DOCK2: variants seen among roughly 807,000 people sequenced by gnomAD.
DOCK2 encodes the protein dedicator of cytokinesis 2.
DOCK2 carries 87 observed loss-of-function variants against 248.9 expected under a neutral mutation model. That is an observed-to-expected ratio of 0.35 (90% confidence interval 0.29 to 0.42). The LOEUF (loss-of-function observed/expected upper bound fraction) is 0.42. Ranked by LOEUF, DOCK2 falls within the 10% of genes least tolerant of loss-of-function variation. The probability of loss-of-function intolerance (pLI) is 1.00; values close to 1 mark genes in which losing one functional copy is unlikely to be tolerated. For synonymous variants in DOCK2, 805 were observed against 821.6 expected, an observed-to-expected ratio of 0.98 and a Z score of 0.35; for missense variants, 1,747 against 2,300.2, an observed-to-expected ratio of 0.76 and a Z score of 4.92.
chr5:169,650,248 A>C (rs1040827968), intron 1 of DOCK2, among the ~76,000 whole-genome samples: 1 of 152,220 alleles, frequency 6.6e-6, no homozygotes, highest in Non-Finnish European at 1.5e-5. Flanking sequence ...TGTTGAAAAC[A>C]CCATGGAGTA....
intron 22 of DOCK2, among the ~76,000 whole-genome samples, chr5:169,739,953 G>C (rs1296758305): frequency 3.9e-5 from 6 of 152,236 alleles, no homozygotes; most frequent in Non-Finnish European, 1.5e-5. Flanking sequence ...CTATCCTTAG[G>C]AATATTGTTT....
chr5:169,975,808 G>C (rs1467045728), intron 27 of DOCK2, among the ~76,000 whole-genome samples: 1 of 152,194 alleles, frequency 6.6e-6, no homozygotes, highest in Non-Finnish European at 1.5e-5. Flanking sequence ...TCCCAACGGG[G>C]ATGTGAGCTT....
In DOCK2 at chr5:170,042,152, C is replaced by A; in HGVS notation, c.3876+20C>A. On this transcript the variant is annotated intron_variant, in intron 38 of 51. Transcript: ENST00000520908. ...GGAAAGGTAATCTGTCCCTGCCCAC[C>A]CCCCGTGGGGACCCTGGCCACTGGA... is the stretch of plus-strand genomic sequence containing the variant. The A allele has an allele frequency of 1.3e-6, 2 of 1,595,432 alleles. No individual in the cohort carries two copies. Among genetic ancestry groups the A allele is most frequent in the South Asian group, 1.1e-5 (1 of 88,622 alleles).
chr5:169,768,685 A>G (rs1764921335), intron 25 of DOCK2, among the ~76,000 whole-genome samples: 1 of 152,140 alleles, frequency 6.6e-6, no homozygotes, highest in Non-Finnish European at 1.5e-5. Context: ...CAAGACTTGG[A>G]ATGTTGACAT....
chr5:169,702,848 G>A (rs1761062274), intron 14 of DOCK2, among the ~76,000 whole-genome samples: 1 of 152,014 alleles, frequency 6.6e-6, no homozygotes, highest in South Asian at 2.1e-4. Context: ...TGGTGTGGAG[G>A]CTCAGGATGT....
chr5:169,914,511 A>G (rs1445423182), intron 27 of DOCK2, among the ~76,000 whole-genome samples: 1 of 152,250 alleles, frequency 6.6e-6, no homozygotes, highest in Non-Finnish European at 1.5e-5. Context: ...ACTTGGATTC[A>G]AAAGACCAAG....
intron 25 of DOCK2, among the ~76,000 whole-genome samples, chr5:169,791,602 A>G (rs1766340371): frequency 6.6e-6 from 1 of 152,224 alleles, no homozygotes; most frequent in Admixed American, 6.5e-5. Context: ...GAATCTAGAA[A>G]TTGGTAATAA....
intron 26 of DOCK2, among the ~76,000 whole-genome samples, chr5:169,840,289 C>T (rs1769868613): frequency 6.6e-6 from 1 of 152,182 alleles, no homozygotes; most frequent in Non-Finnish European, 1.5e-5. Flanking sequence ...ATCGTGATGA[C>T]AGCACCAAGG....
chr5:169,984,718 G>C (rs1430041447), intron 28 of DOCK2, among the ~76,000 whole-genome samples: 1 of 152,002 alleles, frequency 6.6e-6, no homozygotes. Flanking sequence ...TTATATATTG[G>C]GCTCCAGGTA....
intron 41 of DOCK2, among the ~76,000 whole-genome samples, chr5:170,051,224 G>A (rs1224818573): frequency 1.3e-5 from 2 of 152,126 alleles, no homozygotes; most frequent in Admixed American, 6.5e-5. Context: ...CTGAAATGAC[G>A]CCATATTGCC....
chr5:170,055,322 G>A lies in DOCK2; in HGVS notation c.4231G>A (p.Val1411Ile). The change falls in exon 42 of 52, where the codon GTC (valine) becomes ATC (isoleucine). Residue 1411 changes from valine (V) to isoleucine (I), a missense_variant. Val to Ile is a conservative substitution (Grantham distance 29, BLOSUM62 3). Transcript: ENST00000520908. ...GATTCCAGATATCCAGTGCTTCACT[G>A]TCCAGCCTGTCTTGGATGAACATCC... ...APGQYIQCFT[V>I]QPVLDEHPRF... 6.2e-7 allele frequency: 1 copy of A among 1,614,068 alleles called. No individual in the cohort carries two copies. Among genetic ancestry groups the A allele is most frequent in the Non-Finnish European group, 8.5e-7 (1 of 1,179,914 alleles).
At chr5:169,928,396 G>A (rs1383239330) in intron 27 of DOCK2, among the ~76,000 whole-genome samples, 2 of 152,214 alleles carry the variant, frequency 1.3e-5, no homozygotes, top group African/African-American at 4.8e-5. Context: ...GCACTGCTCT[G>A]CCCCAGAATG....
chr5:170,030,986 T>G (rs1298483259), intron 34 of DOCK2, among the ~76,000 whole-genome samples: 1 of 152,244 alleles, frequency 6.6e-6, no homozygotes, highest in African/African-American at 2.4e-5. Flanking sequence ...ATTTCAGTCC[T>G]CATGTGCTCT....
At chr5:169,659,433 T>G (rs1479058280) in intron 2 of DOCK2, among the ~76,000 whole-genome samples, 1 of 152,186 alleles carries the variant, frequency 6.6e-6, no homozygotes, top group Non-Finnish European at 1.5e-5. Flanking sequence ...TATTATGTAG[T>G]GCTGTACTGA....
chr5:169,834,229 G>A (rs548487), intron 26 of DOCK2, among the ~76,000 whole-genome samples: 32 of 84,522 alleles, frequency 3.8e-4, no homozygotes, highest in Admixed American at 8.5e-4. Context: ...TCCCAACCAG[G>A]TCACCCTGCA....
intron 25 of DOCK2, among the ~76,000 whole-genome samples, chr5:169,788,851 T>C (rs1766148390): frequency 6.6e-6 from 1 of 152,202 alleles, no homozygotes; most frequent in Non-Finnish European, 1.5e-5. Context: ...TTTTAACTTT[T>C]ATTTGAAGTT....
intron 6 of DOCK2, among the ~76,000 whole-genome samples, chr5:169,677,115 A>T (rs980825436): frequency 6.6e-6 from 1 of 152,120 alleles, no homozygotes; most frequent in Non-Finnish European, 1.5e-5. Flanking sequence ...ATCAACTAAG[A>T]TGGACTCTAA....
chr5:170,025,870 T>C, intron 33 of DOCK2, among the ~76,000 whole-genome samples: 1 of 148,330 alleles, frequency 6.7e-6, no homozygotes, highest in Non-Finnish European at 1.5e-5. Context: ...CTTCCATTTG[T>C]CCGTCCATCC....
At position 169,868,484 on chromosome 5, in the gene DOCK2, C is replaced by T. The variant is rs192454435; in HGVS notation, c.2799+27632C>T. On this transcript the variant is annotated intron_variant, in intron 27 of 51. Coordinates refer to ENST00000520908, the MANE Select transcript of DOCK2 (RefSeq NM_004946.3). ...ACCTGTTTAATAAAAATAGGCTGGGCGCAGTGGCTCATGCCTGTAATCCCA... is the reference window on the plus strand; with the variant it reads ...ACCTGTTTAATAAAAATAGGCTGGGTGCAGTGGCTCATGCCTGTAATCCCA... Among the ~76,000 whole-genome samples, 10 of 152,304 alleles carry T rather than the reference C, an allele frequency of 6.6e-5. No homozygotes were observed. In the East Asian group the frequency reaches 1.2e-3, roughly 18 times the overall value.
Sources: gnomAD v4.1 joint callset for allele counts (sites outside exome capture counted in the v4.1 genomes callset) on GRCh38, gnomAD v4.1.1 for gene constraint, MANE v1.5 for transcripts, NCBI Gene and HGNC (gene_info 2026-07-23, HGNC 2026-07-21) for gene names.